The following FGF2 variants were observed in gnomAD, a reference collection of about 807,000 sequenced individuals.
FGF2 encodes the protein basic fibroblast growth factor bFGF.
FGF2 carries 13 observed loss-of-function variants against 15.9 expected under a neutral mutation model. That is an observed-to-expected ratio of 0.82 (90% confidence interval 0.53 to 1.30). The LOEUF (loss-of-function observed/expected upper bound fraction) is 1.30, where lower values mean the gene tolerates loss of function less well. FGF2 is among the 50% of genes most tolerant of loss of function. The pLI is 0.00. For missense variants in FGF2, 163 were observed against 196.9 expected, an observed-to-expected ratio of 0.83 and a Z score of 1.03; for synonymous variants, 90 against 78.4, an observed-to-expected ratio of 1.15 and a Z score of -0.78.
intron 1 of FGF2, among the ~76,000 whole-genome samples, chr4:122,854,615 C>T (rs1726300605): frequency 6.6e-6 from 1 of 152,106 alleles, no homozygotes; most frequent in Non-Finnish European, 1.5e-5. Context: ...GGCAAAGGAG[C>T]CGTTTCCAAC....
intron 2 of FGF2, among the ~76,000 whole-genome samples, chr4:122,891,351 TTAAA>T (rs1484427809): frequency 6.6e-6 from 1 of 151,998 alleles, no homozygotes; most frequent in Non-Finnish European, 1.5e-5. Context: ...AACATTTATC[TTAAA>T]TAATGTGGTA....
Position 122,832,812 on chromosome 4 carries a change from C to A in FGF2, c.178+5460C>A, listed in dbSNP as rs1432371280. On this transcript the variant is annotated intron_variant, in intron 1 of 2. Transcript: ENST00000644866. ...GATTTTAAGTGTTTCCTTGTTGTAT[C>A]CACTGTTCAGTTAGCTCCTGCTTTC... is the stretch of plus-strand genomic sequence containing the variant. Among the ~76,000 whole-genome samples, 7 of 152,276 alleles carry A rather than the reference C, an allele frequency of 4.6e-5. No individual in the cohort carries two copies. The South Asian group carries it at 1.2e-3, about 27-fold the overall frequency.
At chr4:122,867,350 C>T (rs1035208156) in intron 1 of FGF2, among the ~76,000 whole-genome samples, 2 of 152,192 alleles carry the variant, frequency 1.3e-5, no homozygotes, top group Admixed American at 1.3e-4. Flanking sequence ...TGGGTACCAA[C>T]AGTTCAGAAT....
At chr4:122,885,560 G>A (rs1333633964) in intron 2 of FGF2, among the ~76,000 whole-genome samples, 1 of 152,062 alleles carries the variant, frequency 6.6e-6, no homozygotes, top group Non-Finnish European at 1.5e-5. Flanking sequence ...TTTTACAATG[G>A]TATTAGACTT....
chr4:122,873,468 G>A (rs1279725723), intron 1 of FGF2, among the ~76,000 whole-genome samples: 1 of 152,212 alleles, frequency 6.6e-6, no homozygotes, highest in Non-Finnish European at 1.5e-5. Context: ...TCTTTGATCA[G>A]GGCTCTTCAG....
chr4:122,826,728 G>A (rs1363088134), upstream of FGF2: 9 of 1,258,722 alleles, frequency 7.2e-6, no homozygotes, highest in South Asian at 3.0e-5. Flanking sequence ...AAACCCGAGC[G>A]AGTAGGGGGC....
chr4:122,833,086 C>G (rs1024690770), intron 1 of FGF2, among the ~76,000 whole-genome samples: 4 of 152,154 alleles, frequency 2.6e-5, no homozygotes, highest in Admixed American at 1.3e-4. Flanking sequence ...TATGTCTCAT[C>G]CAGCTGTCTT....
chr4:122,856,498 G>A (rs1004187340), intron 1 of FGF2, among the ~76,000 whole-genome samples: 2 of 152,094 alleles, frequency 1.3e-5, no homozygotes, highest in African/African-American at 4.8e-5. Context: ...ATATTTAAAG[G>A]AATCTTATTT....
At chr4:122,842,133 T>C (rs1725996775) in intron 1 of FGF2, among the ~76,000 whole-genome samples, 1 of 152,180 alleles carries the variant, frequency 6.6e-6, no homozygotes, top group Non-Finnish European at 1.5e-5. Context: ...AAGCACACAG[T>C]TCTGCTCTCT....
intron 2 of FGF2, among the ~76,000 whole-genome samples, chr4:122,876,970 C>T (rs1180366644): frequency 6.6e-6 from 1 of 152,148 alleles, no homozygotes; most frequent in African/African-American, 2.4e-5. Flanking sequence ...GATACTATCT[C>T]ATTGGGATTT....
At chr4:122,891,288 T>C (rs1727180881) in intron 2 of FGF2, among the ~76,000 whole-genome samples, 1 of 151,950 alleles carries the variant, frequency 6.6e-6, no homozygotes, top group Non-Finnish European at 1.5e-5. Context: ...GATCCGCCCG[T>C]CTCGGCCTCC....
chr4:122,860,449 T>TTC (rs1168760754), intron 1 of FGF2, among the ~76,000 whole-genome samples: 2 of 113,490 alleles, frequency 1.8e-5, no homozygotes, highest in Non-Finnish European at 3.8e-5. Flanking sequence ...AAGGTTAACT[T>TTC]TTTTTTTTTT....
chr4:122,882,760 A>C (rs796908417), intron 2 of FGF2: 29 of 152,300 alleles, frequency 1.9e-4, no homozygotes, highest in Middle Eastern at 3.4e-3. Context: ...AGCTCTCGTC[A>C]TACGACCTGT....
intron 2 of FGF2, among the ~76,000 whole-genome samples, chr4:122,891,253 G>T (rs1040658586): frequency 6.6e-6 from 1 of 151,678 alleles, no homozygotes; most frequent in African/African-American, 2.4e-5. Context: ...TGTTAGCCAA[G>T]ATGGTCTCGA....
intron 1 of FGF2, among the ~76,000 whole-genome samples, chr4:122,842,252 A>G (rs1410189736): frequency 6.6e-6 from 1 of 152,208 alleles, no homozygotes; most frequent in East Asian, 1.9e-4. Context: ...CTCCAGACAG[A>G]GAGTTTTAAC....
At chr4:122,830,281 G>A (rs1021336548) in intron 1 of FGF2, among the ~76,000 whole-genome samples, 1 of 152,144 alleles carries the variant, frequency 6.6e-6, no homozygotes, top group African/African-American at 2.4e-5. Flanking sequence ...TAAATGATGG[G>A]GTCCTGGAGA....
rs542612991 is a variant in FGF2, at chr4:122,865,902, A to C, written c.179-10419A>C. Among the ~76,000 whole-genome samples the C allele has an allele frequency of 2.6e-5, 4 of 152,358 alleles. No individual in the cohort carries two copies. The South Asian group carries it at 8.3e-4, about 32-fold the overall frequency. On this transcript the variant is annotated intron_variant, in intron 1 of 2. Transcript: ENST00000644866. The stretch of plus-strand genomic sequence containing the variant: ...ACTCAAAATGTATTAAAACCTAAAT[A>C]GAAGGGGTAAAACTAAAACTTGGAG...
intron 1 of FGF2, among the ~76,000 whole-genome samples, chr4:122,847,004 G>T (rs148469017): frequency 3.3e-5 from 5 of 152,184 alleles, no homozygotes; most frequent in African/African-American, 7.2e-5. Context: ...TACAAGGGGC[G>T]CATTCCTCAC....
At chr4:122,861,284 A>G (rs1383580062) in intron 1 of FGF2, among the ~76,000 whole-genome samples, 1 of 152,086 alleles carries the variant, frequency 6.6e-6, no homozygotes, top group African/African-American at 2.4e-5. Flanking sequence ...TGAACTCTGG[A>G]TTCATATAGC....
Sources: gnomAD v4.1 joint callset for allele counts (sites outside exome capture counted in the v4.1 genomes callset) on GRCh38, gnomAD v4.1.1 for gene constraint, MANE v1.5 for transcripts, NCBI Gene and HGNC (gene_info 2026-07-23, HGNC 2026-07-21) for gene names.